The following SPAG16 variants were observed in gnomAD, a reference collection of about 807,000 sequenced individuals.
SPAG16 encodes the protein sperm associated antigen 16.
In SPAG16, 86 loss-of-function variants were observed where a neutral mutation model predicts 80.4. That is an observed-to-expected ratio of 1.07 (90% CI 0.90 to 1.28). The LOEUF is 1.28. SPAG16 is among the 50% of genes most tolerant of loss of function. SPAG16 has a pLI of 0.00. For synonymous variants in SPAG16, 294 were observed against 265.9 expected, an observed-to-expected ratio of 1.11 and a Z score of -1.03; for missense variants, 870 against 765.3, an observed-to-expected ratio of 1.14 and a Z score of -1.61.
intron 13 of SPAG16, among the ~76,000 whole-genome samples, chr2:214,070,120 G>T (rs2050721019): frequency 1.3e-5 from 2 of 148,276 alleles, no homozygotes; most frequent in Admixed American, 6.7e-5. Flanking sequence ...ACCTCTTTGT[G>T]CATTAAGACC....
At chr2:213,776,834 C>CCT (rs1553628589) in intron 10 of SPAG16, among the ~76,000 whole-genome samples, 1 of 125,638 alleles carries the variant, frequency 8.0e-6, no homozygotes, top group Non-Finnish European at 1.6e-5. Context: ...CCACCCCCCC[C>CCT]CCACCCCAGG....
At chr2:214,298,015 A>G (rs1382866778) in intron 15 of SPAG16, among the ~76,000 whole-genome samples, 1 of 150,390 alleles carries the variant, frequency 6.6e-6, no homozygotes, top group Non-Finnish European at 1.5e-5. Context: ...CAATTTCTTT[A>G]ATCAGTATTT....
At chr2:213,919,451 C>T (rs1166213338) in intron 11 of SPAG16, among the ~76,000 whole-genome samples, 3 of 152,126 alleles carry the variant, frequency 2.0e-5, no homozygotes, top group Non-Finnish European at 4.4e-5. Flanking sequence ...TTAACACTGC[C>T]TTAGCTGTGT....
intron 11 of SPAG16, 36 bp downstream of exon 11, chr2:213,862,664 C>T (rs780859488): frequency 2.5e-6 from 4 of 1,607,488 alleles, no homozygotes; most frequent in African/African-American, 1.3e-5. Flanking sequence ...AGCCTAATCT[C>T]TCTAGGAATG....
intron 15 of SPAG16, among the ~76,000 whole-genome samples, chr2:214,344,951 T>G (rs1417966017): frequency 1.3e-5 from 2 of 152,178 alleles, no homozygotes; most frequent in African/African-American, 4.8e-5. Context: ...AGTATTTTTT[T>G]TCCTTATTCT....
At chr2:213,529,266 C>T (rs2075988407) in intron 10 of SPAG16, among the ~76,000 whole-genome samples, 1 of 152,106 alleles carries the variant, frequency 6.6e-6, no homozygotes, top group South Asian at 2.1e-4. Context: ...TTTAAAACCA[C>T]CTCAGAATAA....
chr2:214,334,910 T>C (rs959296235), intron 15 of SPAG16, among the ~76,000 whole-genome samples: 1 of 152,234 alleles, frequency 6.6e-6, no homozygotes. Flanking sequence ...TTTTAATGTT[T>C]GCTTTCTAGG....
intron 10 of SPAG16, among the ~76,000 whole-genome samples, chr2:213,649,349 A>C (rs2062941023): frequency 1.3e-5 from 2 of 152,186 alleles, no homozygotes; most frequent in African/African-American, 4.8e-5. Flanking sequence ...GTTTCTGGAG[A>C]AAGGTTATAC....
At chr2:213,681,713 C>T (rs1337071385) in intron 10 of SPAG16, among the ~76,000 whole-genome samples, 2 of 152,108 alleles carry the variant, frequency 1.3e-5, no homozygotes, top group Non-Finnish European at 2.9e-5. Context: ...GAAGCAAGAC[C>T]TTCTGAAATA....
chr2:213,976,131 T>C lies in SPAG16; in HGVS notation c.1401-37820T>C, dbSNP rs1221575078. Among the ~76,000 whole-genome samples the C allele has an allele frequency of 8.7e-3, 917 of 104,970 alleles. 15 individuals carry two copies. Among genetic ancestry groups the C allele is most frequent in the African/African-American group, 0.035 (874 of 25,052 alleles). 68.9% of individuals were successfully genotyped at this position (104,970 alleles called of 152,430 possible). On this transcript the variant is annotated intron_variant, in intron 12 of 15. Coordinates refer to ENST00000331683, the MANE Select transcript of SPAG16 (RefSeq NM_024532.5). ...GGAGATATATATATATATATATATA[T>C]ATATACACACACACACACACACACG...
At chr2:214,198,396 C>T (rs1483963331) in intron 15 of SPAG16, among the ~76,000 whole-genome samples, 1 of 152,026 alleles carries the variant, frequency 6.6e-6, no homozygotes, top group Non-Finnish European at 1.5e-5. Flanking sequence ...AGAATAATGG[C>T]CTCCAGCTCC....
intron 9 of SPAG16, among the ~76,000 whole-genome samples, chr2:213,470,413 T>A (rs1237614402): frequency 6.6e-6 from 1 of 152,138 alleles, no homozygotes; most frequent in African/African-American, 2.4e-5. Flanking sequence ...GGCAGGAGCA[T>A]TGTGGGCAGG....
At chr2:213,366,028 G>T (rs1198180170) in intron 8 of SPAG16, among the ~76,000 whole-genome samples, 3 of 148,216 alleles carry the variant, frequency 2.0e-5, no homozygotes, top group East Asian at 4.0e-4. Flanking sequence ...TGTAGTCCCA[G>T]CTACTTGGGA....
intron 15 of SPAG16, among the ~76,000 whole-genome samples, chr2:214,209,545 G>A (rs1447650775): frequency 6.6e-6 from 1 of 152,154 alleles, no homozygotes; most frequent in African/African-American, 2.4e-5. Flanking sequence ...TCTTGCTCTT[G>A]CTCTTCAACA....
intron 12 of SPAG16, among the ~76,000 whole-genome samples, chr2:213,962,038 A>C (rs2044460706): frequency 1.3e-5 from 2 of 152,060 alleles, no homozygotes; most frequent in Non-Finnish European, 2.9e-5. Context: ...GGGTTTTTAA[A>C]TTACTAATTG....
intron 15 of SPAG16, among the ~76,000 whole-genome samples, chr2:214,176,967 A>C (rs970278764): frequency 2.0e-5 from 3 of 151,102 alleles, no homozygotes; most frequent in Non-Finnish European, 4.4e-5. Flanking sequence ...AAAAATTTCT[A>C]TTTGTGGTAT....
intron 13 of SPAG16, among the ~76,000 whole-genome samples, chr2:214,035,768 G>A (rs548953141): frequency 6.6e-6 from 1 of 152,274 alleles, no homozygotes; most frequent in South Asian, 2.1e-4. Context: ...GCCTCCAAAA[G>A]CACAAGGAAG....
intron 10 of SPAG16, among the ~76,000 whole-genome samples, chr2:213,851,903 G>T (rs778685193): frequency 6.6e-6 from 1 of 152,184 alleles, no homozygotes; most frequent in Non-Finnish European, 1.5e-5. Flanking sequence ...TGTAAGTCCT[G>T]CTCTGCTTTG....
intron 12 of SPAG16, among the ~76,000 whole-genome samples, chr2:213,976,284 G>GTGTGCACATATGCGTACACATA (rs2045399496): frequency 6.6e-6 from 1 of 150,852 alleles, no homozygotes; most frequent in African/African-American, 2.4e-5. Flanking sequence ...GCGTACACAT[G>GTGTGCACATATGCGTACACATA]TGTGCACATA....
Sources: gnomAD v4.1 joint callset for allele counts (sites outside exome capture counted in the v4.1 genomes callset) on GRCh38, gnomAD v4.1.1 for gene constraint, MANE v1.5 for transcripts, NCBI Gene and HGNC (gene_info 2026-07-23, HGNC 2026-07-21) for gene names.